Variants in AFF3 observed in about 807,000 individuals in gnomAD.
AFF3 encodes AF4/FMR2 family member 3.
In AFF3, 32 loss-of-function variants were observed where a neutral mutation model predicts 129.7. The ratio of observed to expected loss-of-function variants is 0.25; its 90% confidence interval spans 0.19 to 0.33. The LOEUF is 0.33. AFF3 is among the 10% of genes least tolerant of loss of function. The probability of loss-of-function intolerance (pLI) is 1.00; values close to 1 mark genes in which losing one functional copy is unlikely to be tolerated. For missense variants in AFF3, 1,373 were observed against 1,592.0 expected (o/e 0.86, Z 2.34); for synonymous variants, 644 against 635.4 (o/e 1.01, Z -0.20).
chr2:99,798,685 T>C (rs6732358), intron 8 of AFF3, among the ~76,000 whole-genome samples: 131,621 of 151,976 alleles, frequency 0.87, 57,036 homozygotes, highest in East Asian at 0.92. Flanking sequence ...AGGTAGATCT[T>C]AACGCAGCCA....
At chr2:99,978,356 AG>A (rs3833558) in intron 7 of AFF3, among the ~76,000 whole-genome samples, 21,101 of 152,218 alleles carry the variant, frequency 0.14, 2,077 homozygotes, top group East Asian at 0.49. Context: ...AAAATTACTT[AG>A]AAAAGGTTTA....
chr2:100,025,686 G>C (rs1201320652), intron 4 of AFF3, among the ~76,000 whole-genome samples: 1 of 152,152 alleles, frequency 6.6e-6, no homozygotes, highest in Non-Finnish European at 1.5e-5. Flanking sequence ...GCATGGTACT[G>C]GTATAAAAAT....
intron 7 of AFF3, among the ~76,000 whole-genome samples, chr2:99,881,911 T>C (rs1692747549): frequency 1.3e-5 from 2 of 152,238 alleles, no homozygotes; most frequent in Admixed American, 1.3e-4. Flanking sequence ...CAGGGTTTTG[T>C]ACTTGACCTG....
chr2:99,980,608 T>C (rs1339048404), intron 7 of AFF3, among the ~76,000 whole-genome samples: 1 of 152,256 alleles, frequency 6.6e-6, no homozygotes, highest in African/African-American at 2.4e-5. Flanking sequence ...ATTTTCTTTT[T>C]ATTTAGTGCT....
chr2:100,009,399 T>A (rs1323733682), intron 4 of AFF3, among the ~76,000 whole-genome samples: 4 of 152,118 alleles, frequency 2.6e-5, no homozygotes, highest in African/African-American at 9.7e-5. Flanking sequence ...CCTAAAGAGC[T>A]GTTAAAACTG....
At chr2:99,776,139 A>G (rs1409017239) in intron 8 of AFF3, among the ~76,000 whole-genome samples, 1 of 152,218 alleles carries the variant, frequency 6.6e-6, no homozygotes, top group Non-Finnish European at 1.5e-5. Flanking sequence ...AGGGGTTTCA[A>G]ATGGCATCGG....
intron 7 of AFF3, among the ~76,000 whole-genome samples, chr2:99,951,579 T>A (rs1238846343): frequency 1.3e-5 from 2 of 152,162 alleles, no homozygotes; most frequent in African/African-American, 4.8e-5. Context: ...GAAAGAGGGA[T>A]GTTTGAGAAG....
intron 7 of AFF3, among the ~76,000 whole-genome samples, chr2:99,880,134 G>T (rs187595844): frequency 6.6e-6 from 1 of 152,262 alleles, no homozygotes; most frequent in Non-Finnish European, 1.5e-5. Flanking sequence ...ATTCATCTTT[G>T]AATTCTTGTG....
intron 12 of AFF3, among the ~76,000 whole-genome samples, chr2:99,660,790 C>A (rs1314296840): frequency 1.3e-5 from 2 of 152,182 alleles, no homozygotes; most frequent in Admixed American, 1.3e-4. Flanking sequence ...GCTTCTTAAA[C>A]ATGGTCTTGT....
Position 100,116,651 on chromosome 2 carries a change from T to C in AFF3, c.-144-11068A>G, listed in dbSNP as rs558177237. Among the ~76,000 whole-genome samples the C allele has an allele frequency of 2.6e-5, 4 of 152,324 alleles. No homozygotes were observed. In the East Asian group the frequency reaches 7.7e-4, roughly 29 times the overall value. On this transcript the variant is annotated intron_variant, in intron 2 of 24. Coordinates refer to ENST00000672756, the MANE Select transcript of AFF3 (RefSeq NM_001386135.1). ...CTTTTTAAATCCATTTACTCTTCTC[T>C]ATATTTGTGTATCATTGTTGTCATG...
At chr2:99,679,072 CACTT>C (rs1364093446) in intron 11 of AFF3, among the ~76,000 whole-genome samples, 1 of 152,186 alleles carries the variant, frequency 6.6e-6, no homozygotes, top group Admixed American at 6.5e-5. Context: ...CAGGTGAACT[CACTT>C]AGTCTGGAGG....
At chr2:99,616,697 A>G (rs181893039) in intron 13 of AFF3, among the ~76,000 whole-genome samples, 280 of 152,242 alleles carry the variant, frequency 1.8e-3, no homozygotes, top group African/African-American at 6.5e-3. Context: ...TGGAGGTTGC[A>G]GTGAGCCGAG....
intron 7 of AFF3, among the ~76,000 whole-genome samples, chr2:99,913,913 G>A (rs1302039086): frequency 6.6e-6 from 1 of 152,152 alleles, no homozygotes; most frequent in Non-Finnish European, 1.5e-5. Flanking sequence ...AGGTAGAAGA[G>A]AAAGGTCTTC....
chr2:99,871,475 C>G (rs1316447427), intron 7 of AFF3, among the ~76,000 whole-genome samples: 2 of 152,088 alleles, frequency 1.3e-5, no homozygotes, highest in Non-Finnish European at 2.9e-5. Context: ...GATTAAAAAC[C>G]CAGATAAGGT....
At chr2:99,938,367 G>A (rs530765459) in intron 7 of AFF3, among the ~76,000 whole-genome samples, 2 of 152,240 alleles carry the variant, frequency 1.3e-5, no homozygotes, top group South Asian at 4.1e-4. Context: ...TACCTGACAT[G>A]GTTGTGGTAA....
At chr2:100,049,301 C>G (rs547954682) in intron 4 of AFF3, among the ~76,000 whole-genome samples, 1 of 152,204 alleles carries the variant, frequency 6.6e-6, no homozygotes, top group East Asian at 1.9e-4. Flanking sequence ...ATTCTCGCAT[C>G]TTATAGGAGG....
chr2:99,572,338 G>C (rs1676576067), intron 18 of AFF3, among the ~76,000 whole-genome samples: 1 of 118,596 alleles, frequency 8.4e-6, no homozygotes, highest in Admixed American at 1.3e-4. Flanking sequence ...GTTCTCAGCA[G>C]CATCAGGGTT....
intron 12 of AFF3, among the ~76,000 whole-genome samples, chr2:99,662,257 A>G (rs1174464979): frequency 6.6e-6 from 1 of 152,176 alleles, no homozygotes; most frequent in Non-Finnish European, 1.5e-5. Context: ...ATATATGATT[A>G]CTTCATATAC....
At chr2:100,025,235 C>T (rs941323911) in intron 4 of AFF3, among the ~76,000 whole-genome samples, 17 of 152,024 alleles carry the variant, frequency 1.1e-4, no homozygotes, top group African/African-American at 4.1e-4. Context: ...CATTCAGTAG[C>T]TCTCCTATAC....
Sources: allele counts gnomAD v4.1 joint callset (sites outside exome capture counted in the v4.1 genomes callset), GRCh38; gene constraint gnomAD v4.1.1; transcripts MANE v1.5; gene names NCBI Gene and HGNC (gene_info 2026-07-23, HGNC 2026-07-21).